RAI1: variants seen among roughly 807,000 people sequenced by gnomAD.
RAI1 encodes retinoic acid-induced protein 1.
In RAI1, 9 loss-of-function variants were observed where a neutral mutation model predicts 123.8. The observed-to-expected ratio is 0.07, with a 90% confidence interval of 0.04 to 0.13. The LOEUF (loss-of-function observed/expected upper bound fraction) is 0.13. RAI1 is among the 10% of genes least tolerant of loss of function. RAI1 has a pLI of 1.00. For missense variants in RAI1, 2,256 were observed against 2,545.8 expected, an observed-to-expected ratio of 0.89 and a Z score of 2.45; for synonymous variants, 1,231 against 1,127.3, an observed-to-expected ratio of 1.09 and a Z score of -1.84.
At position 17,795,753 on chromosome 17, in the gene RAI1, G is replaced by A; in HGVS notation, c.2805G>A (p.Glu935=). The A allele has an allele frequency of 6.2e-7, 1 of 1,613,542 alleles. No homozygotes were observed. The highest frequency in any genetic ancestry group is 1.1e-5 in the South Asian group (1 of 91,088). The part of the protein sequence containing the change: ...VILLGPTVGT[E]SKVQSWFESS... The stretch of plus-strand genomic sequence containing the variant: ...TGCTGGGCCCTACAGTGGGCACCGA[G>A]TCAAAGGTCCAGAGCTGGTTTGAGT... Residue 935 remains glutamate (E), a synonymous_variant, in exon 3 of 6, where the codon GAG becomes GAA. Transcript: ENST00000353383. The surrounding 1 kb of genome is among the most constrained non-coding windows in gnomAD (Gnocchi z 5.9).
At chr17:17,706,544 A>G (rs1405004876) in intron 1 of RAI1, among the ~76,000 whole-genome samples, 1 of 152,144 alleles carries the variant, frequency 6.6e-6, no homozygotes, top group East Asian at 1.9e-4. Context: ...AGTGGTTGTG[A>G]GCTGCACCAG....
intron 2 of RAI1, among the ~76,000 whole-genome samples, chr17:17,780,918 G>A (rs1295086404): frequency 6.6e-6 from 1 of 152,182 alleles, no homozygotes; most frequent in Admixed American, 6.5e-5. Context: ...GCAGGCCCAG[G>A]AGTGTCCCGG....
intron 2 of RAI1, among the ~76,000 whole-genome samples, chr17:17,768,201 G>C (rs1457344058): frequency 1.3e-5 from 2 of 152,140 alleles, no homozygotes; most frequent in Non-Finnish European, 2.9e-5. Flanking sequence ...GGTGGCACCT[G>C]GTCCCATGGT....
At chr17:17,748,111 C>T (rs1003839876) in intron 2 of RAI1, among the ~76,000 whole-genome samples, 5 of 152,188 alleles carry the variant, frequency 3.3e-5, no homozygotes, top group Admixed American at 1.3e-4. Context: ...AAAGGCATGT[C>T]TTACATGGTG....
chr17:17,690,260 G>A (rs897400758), intron 1 of RAI1, among the ~76,000 whole-genome samples: 4 of 151,918 alleles, frequency 2.6e-5, no homozygotes, highest in East Asian at 1.9e-4. Context: ...GGTGGTGGGC[G>A]CCTGTAATCC....
Position 17,810,168 on chromosome 17 carries a change from G to A in RAI1, c.*187G>A, listed in dbSNP as rs990502557. ...GGGCTCAGACTTGCGGCCCCGGGTT[G>A]GGAGGAAAACCCGTTCCGGAGCCGC... On this transcript the variant is annotated 3_prime_UTR_variant, in exon 6 of 6. Transcript: ENST00000353383. This position sits in a 1 kb window ranked among gnomAD's most constrained non-coding sequence, Gnocchi z 4.6. 19 of 869,236 alleles carry A rather than the reference G, an allele frequency of 2.2e-5. 1 individual carries two copies. In the South Asian group the frequency reaches 3.5e-4, roughly 16 times the overall value. The allele number at this position is 869,236 out of a possible 1,614,324, so 53.8% of individuals were successfully genotyped here.
At chr17:17,697,070 AC>A (rs1376005622) in intron 1 of RAI1, among the ~76,000 whole-genome samples, 2 of 152,064 alleles carry the variant, frequency 1.3e-5, no homozygotes, top group African/African-American at 2.4e-5. Flanking sequence ...CCTTGCCCTG[AC>A]CTATCCCTAC....
intron 3 of RAI1, 25 bp from the exon 4 acceptor site, chr17:17,803,731 C>G: frequency 1.2e-6 from 2 of 1,604,332 alleles, no homozygotes; most frequent in Non-Finnish European, 1.7e-6. Context: ...TGGAGACTCA[C>G]CTGCCTTTCC....
At chr17:17,708,584 T>C (rs1372818315) in intron 1 of RAI1, among the ~76,000 whole-genome samples, 3 of 152,114 alleles carry the variant, frequency 2.0e-5, no homozygotes, top group African/African-American at 7.2e-5. Context: ...AGGGACTCCA[T>C]TCTAGAATCA....
At chr17:17,694,049 T>G (rs1217474800) in intron 1 of RAI1, among the ~76,000 whole-genome samples, 1 of 152,230 alleles carries the variant, frequency 6.6e-6, no homozygotes, top group African/African-American at 2.4e-5. Flanking sequence ...AGTCAGTGTC[T>G]GCTCTCATCC....
intron 1 of RAI1, among the ~76,000 whole-genome samples, chr17:17,710,563 C>T (rs974824275): frequency 2.6e-5 from 4 of 152,348 alleles, no homozygotes; most frequent in African/African-American, 9.6e-5. Context: ...AGCACAGTGG[C>T]CACCAAGACT....
chr17:17,736,137 G>A (rs1275037092), intron 2 of RAI1, among the ~76,000 whole-genome samples: 1 of 152,210 alleles, frequency 6.6e-6, no homozygotes, highest in Non-Finnish European at 1.5e-5. Context: ...TCTGGGCTGT[G>A]TGGGTATTGA....
intron 2 of RAI1, among the ~76,000 whole-genome samples, chr17:17,766,911 T>C (rs971580202): frequency 1.4e-5 from 2 of 142,426 alleles, no homozygotes; most frequent in African/African-American, 5.4e-5. Flanking sequence ...CTTGTGGCTT[T>C]GGAAGCCCAT....
Position 17,795,870 on chromosome 17 carries a change from G to A in RAI1, c.2922G>A (p.Gln974=), listed in dbSNP as rs1416038335. The A allele has an allele frequency of 6.2e-7, 1 of 1,612,822 alleles. No homozygotes were observed. Among genetic ancestry groups the A allele is most frequent in the Admixed American group, 1.7e-5 (1 of 60,022 alleles). ...CCACCTCGGACGCCTCTCTGGCCCA[G>A]AAGCCCAACAAGCCTGCTGTGCCCG... The part of the protein sequence containing the change: ...DSTTSDASLA[Q]KPNKPAVPEA... The change falls in exon 3 of 6, where the codon CAG becomes CAA. Residue 974 remains glutamine, a synonymous_variant. Transcript: ENST00000353383. This position sits in a 1 kb window ranked among gnomAD's most constrained non-coding sequence, Gnocchi z 5.9.
chr17:17,759,142 C>A (rs2030575903), intron 2 of RAI1: 2 of 152,242 alleles, frequency 1.3e-5, no homozygotes, highest in African/African-American at 4.8e-5. Context: ...TGGCTGCTCT[C>A]TGCAAGCTGT....
At chr17:17,784,573 C>T (rs2031753745) in intron 2 of RAI1, among the ~76,000 whole-genome samples, 1 of 152,192 alleles carries the variant, frequency 6.6e-6, no homozygotes, top group South Asian at 2.1e-4. Flanking sequence ...AAAGTGTCTT[C>T]CCGTGGCTCG....
intron 1 of RAI1, among the ~76,000 whole-genome samples, chr17:17,688,748 C>T (rs367768717): frequency 8.6e-5 from 13 of 151,514 alleles, no homozygotes; most frequent in East Asian, 2.0e-4. Flanking sequence ...TACAGGTGTG[C>T]GCCACCATGC....
chr17:17,682,560 G>T (rs1358206957), intron 1 of RAI1: 4 of 152,140 alleles, frequency 2.6e-5, no homozygotes, highest in Non-Finnish European at 2.9e-5. Context: ...CACGCGCCTT[G>T]AAGGCAGGGA....
chr17:17,746,212 C>T (rs955557738), intron 2 of RAI1, among the ~76,000 whole-genome samples: 4 of 152,208 alleles, frequency 2.6e-5, no homozygotes, highest in East Asian at 1.9e-4. Flanking sequence ...GGGGTGCCAC[C>T]GTGCCCCCAC....
Sources: allele counts gnomAD v4.1 joint callset (sites outside exome capture counted in the v4.1 genomes callset), GRCh38; gene constraint gnomAD v4.1.1; non-coding constraint Gnocchi (gnomAD v3.1); transcripts MANE v1.5; gene names NCBI Gene and HGNC (gene_info 2026-07-23, HGNC 2026-07-21).